Variants in LITAF observed in about 807,000 individuals in gnomAD.
The protein encoded by LITAF is lipopolysaccharide-induced tumor necrosis factor-alpha factor.
Under a neutral mutation model 14.5 loss-of-function variants are expected in LITAF, and 9 were observed. That is an observed-to-expected ratio of 0.62 (90% confidence interval 0.37 to 1.08). LITAF has a LOEUF of 1.08. Ranked by LOEUF, LITAF falls within the 50% of genes least tolerant of loss-of-function variation. The pLI is 0.01. For synonymous variants in LITAF, 98 were observed against 88.2 expected, an observed-to-expected ratio of 1.11 and a Z score of -0.62; for missense variants, 206 against 213.4, an observed-to-expected ratio of 0.97 and a Z score of 0.22.
chr16:11,596,706 G>A (rs1314747251), intron 1 of LITAF, among the ~76,000 whole-genome samples: 2 of 98,026 alleles, frequency 2.0e-5, no homozygotes, highest in Non-Finnish European at 4.2e-5. Flanking sequence ...CAGGGGGAGA[G>A]GGAGGAGGGG....
At chr16:11,563,993 G>A (rs1293879256) in intron 1 of LITAF, among the ~76,000 whole-genome samples, 1 of 152,032 alleles carries the variant, frequency 6.6e-6, no homozygotes, top group Admixed American at 6.6e-5. Context: ...TGCAACCTCT[G>A]CCTCCCAGGT....
Position 11,558,753 on chromosome 16 carries a change from A to T in LITAF, c.-5-2018T>A, listed in dbSNP as rs920764771. Among the ~76,000 whole-genome samples, 1 of 152,170 alleles carries T rather than the reference A, an allele frequency of 6.6e-6. No individual in the cohort carries two copies. The highest frequency in any genetic ancestry group is 2.4e-5 in the African/African-American group (1 of 41,452). On this transcript the variant is annotated intron_variant, in intron 1 of 3. Transcript: ENST00000622633. This position sits in a 1 kb window ranked among gnomAD's most constrained non-coding sequence, Gnocchi z 4.1. ...AAGTGGAATAGAGGCGGGGGAGTGA[A>T]CGTGATAAAAAGAAAGTCAGTAAGT... is the stretch of plus-strand genomic sequence containing the variant.
At chr16:11,635,322 G>A (rs780955714) in intron 2 of LITAF, among the ~76,000 whole-genome samples, 32 of 152,182 alleles carry the variant, frequency 2.1e-4, no homozygotes, top group Admixed American at 9.2e-4. Context: ...ACCAATCAAC[G>A]CTGGGGCGAT....
rs1483453131 is a variant in LITAF at position 11,549,831 on chromosome 16, T to G, written c.378-86A>C. ...GCCAAAACCATGTTCATGTCCTTCT[T>G]TGTAAAAAGGGTCTTTGCCAGTATA... On this transcript the variant is annotated intron_variant, in intron 3 of 3. Transcript: ENST00000622633. The surrounding 1 kb of genome is among the most constrained non-coding windows in gnomAD (Gnocchi z 4.6). The G allele has an allele frequency of 3.8e-6, 4 of 1,053,408 alleles. No homozygotes were observed. Among genetic ancestry groups the G allele is most frequent in the Admixed American group, 2.0e-5 (1 of 50,304 alleles). The allele number at this position is 1,053,408 out of a possible 1,614,324, so 65.3% of individuals were successfully genotyped here.
chr16:11,622,487 A>T (rs1402187513), intron 3 of LITAF, among the ~76,000 whole-genome samples: 1 of 152,174 alleles, frequency 6.6e-6, no homozygotes, highest in Admixed American at 6.5e-5. Context: ...CACACTTGTG[A>T]ACTTCATTTT....
At chr16:11,550,859 A>C (rs899424152) in intron 3 of LITAF, among the ~76,000 whole-genome samples, 1 of 152,162 alleles carries the variant, frequency 6.6e-6, no homozygotes, top group African/African-American at 2.4e-5. Flanking sequence ...CTGCCCTTGG[A>C]ATGAGAAGAC....
intron 3 of LITAF, among the ~76,000 whole-genome samples, chr16:11,612,806 G>A (rs1440986658): frequency 6.6e-6 from 1 of 152,200 alleles, no homozygotes; most frequent in Non-Finnish European, 1.5e-5. Context: ...CTTGGGGAAT[G>A]ATTTCACTGT....
At chr16:11,609,315 G>A (rs1404404998) in intron 3 of LITAF, among the ~76,000 whole-genome samples, 3 of 151,650 alleles carry the variant, frequency 2.0e-5, no homozygotes, top group Admixed American at 1.3e-4. Flanking sequence ...GAGTTCAAGC[G>A]ATTCTCCCGC....
In LITAF at chr16:11,553,726, G is replaced by T; in HGVS notation, c.221-37C>A. The T allele has an allele frequency of 6.2e-7, 1 of 1,612,954 alleles. No homozygotes were observed. Among genetic ancestry groups the T allele is most frequent in the African/African-American group, 1.3e-5 (1 of 75,032 alleles). ...GAGAGGGACAAACACAGGTTGCTCA[G>T]GAAACAAGGCCAATAGCATTCACTA... is the stretch of plus-strand genomic sequence containing the variant. On this transcript the variant is annotated intron_variant, in intron 2 of 3. Transcript: ENST00000622633. This position sits in a 1 kb window ranked among gnomAD's most constrained non-coding sequence, Gnocchi z 7.7.
intron 3 of LITAF, among the ~76,000 whole-genome samples, chr16:11,628,724 T>C (rs1288448869): frequency 6.6e-6 from 1 of 152,032 alleles, no homozygotes; most frequent in Non-Finnish European, 1.5e-5. Context: ...TCATCCAGGC[T>C]GGAGTACAGT....
rs902864579 is a variant in LITAF at position 11,605,841 on chromosome 16, C to T, written c.85+27692G>A. Among the ~76,000 whole-genome samples the T allele has an allele frequency of 2.6e-5, 4 of 152,118 alleles. No homozygotes were observed. Among genetic ancestry groups the T allele is most frequent in the Admixed American group, 1.3e-4 (2 of 15,262 alleles). ...ACACTACACATGTCACTCTCACAAC[C>T]GCACCAGGAGGTAGGTTCCACTGTT... On this transcript the variant is annotated intron_variant, in intron 3 of 3. Transcript: ENST00000574848. This position sits in a 1 kb window ranked among gnomAD's most constrained non-coding sequence, Gnocchi z 4.7.
intron 3 of LITAF, among the ~76,000 whole-genome samples, chr16:11,550,119 T>A (rs754692436): frequency 2.6e-5 from 4 of 152,236 alleles, no homozygotes; most frequent in Admixed American, 2.6e-4. Context: ...GGTTTTGTTT[T>A]GTTTTGTTTT....
chr16:11,602,136 C>T (rs867717976), upstream of LITAF, among the ~76,000 whole-genome samples: 9 of 152,070 alleles, frequency 5.9e-5, no homozygotes, highest in East Asian at 1.3e-3. Flanking sequence ...CCGAGGCGGA[C>T]GGATTGCCTG....
chr16:11,595,486 T>G (rs1336752231), intron 1 of LITAF, among the ~76,000 whole-genome samples: 1 of 152,038 alleles, frequency 6.6e-6, no homozygotes, highest in Non-Finnish European at 1.5e-5. Context: ...TCCCAGCACT[T>G]TGGGAGGCCG....
intron 3 of LITAF, among the ~76,000 whole-genome samples, chr16:11,625,123 G>A (rs920674420): frequency 2.0e-5 from 3 of 152,122 alleles, no homozygotes; most frequent in Non-Finnish European, 4.4e-5. Context: ...TCCTCCCCAT[G>A]TGGTTCTGGT....
upstream of LITAF, chr16:11,587,243 G>A (rs1279236559): frequency 1.3e-5 from 5 of 374,402 alleles, no homozygotes; most frequent in African/African-American, 2.1e-5. Context: ...GCCCCCGACA[G>A]CCTGGCCCTC....
chr16:11,601,953 G>C (rs1412636811), upstream of LITAF, among the ~76,000 whole-genome samples: 1 of 152,172 alleles, frequency 6.6e-6, no homozygotes, highest in African/African-American at 2.4e-5. Flanking sequence ...TCCTGTGCCT[G>C]GATGGGATGT....
chr16:11,596,301 C>G (rs867618400), intron 1 of LITAF, among the ~76,000 whole-genome samples: 14 of 151,898 alleles, frequency 9.2e-5, no homozygotes, highest in African/African-American at 3.4e-4. Context: ...GCAGGAAGAG[C>G]GTGTTCTCAG....
At chr16:11,598,356 C>T (rs565669685) in intron 1 of LITAF, 2 of 150,124 alleles carry the variant, frequency 1.3e-5, no homozygotes, top group South Asian at 2.1e-4. Context: ...TGCAAAAGAA[C>T]CTCCTTGTCT....
Sources: gnomAD v4.1 joint callset for allele counts (sites outside exome capture counted in the v4.1 genomes callset) on GRCh38, gnomAD v4.1.1 for gene constraint, Gnocchi (gnomAD v3.1) non-coding constraint, MANE v1.5 for transcripts, NCBI Gene and HGNC (gene_info 2026-07-23, HGNC 2026-07-21) for gene names.